Variants in KCNK1 observed in about 807,000 individuals in gnomAD.
The protein encoded by KCNK1 is potassium two pore domain channel subfamily K member 1.
Under a neutral mutation model 22.2 loss-of-function variants are expected in KCNK1, and 10 were observed. The ratio of observed to expected loss-of-function variants is 0.45; its 90% CI spans 0.28 to 0.76. The LOEUF is 0.76. Among genes scored for constraint, KCNK1 ranks in the 30% least tolerant of loss-of-function variants. KCNK1 has a pLI of 0.14. For missense variants in KCNK1, 378 were observed against 421.0 expected (o/e 0.90, Z 0.89); for synonymous variants, 200 against 186.4 (o/e 1.07, Z -0.60).
intron 1 of KCNK1, among the ~76,000 whole-genome samples, chr1:233,617,129 T>A (rs1320317420): frequency 1.3e-5 from 2 of 152,162 alleles, no homozygotes; most frequent in Non-Finnish European, 2.9e-5. Context: ...ATCAGTACAG[T>A]CAATCCTTGA....
intron 1 of KCNK1, chr1:233,631,412 G>C (rs148519906): frequency 1.2e-5 from 5 of 428,378 alleles, no homozygotes; most frequent in Non-Finnish European, 2.5e-5. Flanking sequence ...AGGATTTTAA[G>C]CTCAACGGTT....
chr1:233,620,217 A>C (rs186491008), intron 1 of KCNK1, among the ~76,000 whole-genome samples: 179 of 152,336 alleles, frequency 1.2e-3, no homozygotes, highest in African/African-American at 4.0e-3. Context: ...GCAGAGTTGA[A>C]TAGTTGAACA....
chr1:233,620,263 GTC>G (rs1657558940), intron 1 of KCNK1, among the ~76,000 whole-genome samples: 1 of 152,140 alleles, frequency 6.6e-6, no homozygotes, highest in East Asian at 1.9e-4. Context: ...AATATTTACT[GTC>G]TCACAAAAAA....
At chr1:233,630,279 T>G (rs1657768861) in intron 1 of KCNK1, among the ~76,000 whole-genome samples, 2 of 152,220 alleles carry the variant, frequency 1.3e-5, no homozygotes, top group Non-Finnish European at 2.9e-5. Flanking sequence ...TTAAATAAAT[T>G]ATTTTTTGTC....
At chr1:233,648,472 T>A (rs1446225861) in intron 1 of KCNK1, among the ~76,000 whole-genome samples, 1 of 151,624 alleles carries the variant, frequency 6.6e-6, no homozygotes, top group Admixed American at 6.6e-5. Context: ...GTCAGTACAT[T>A]TTTTTTTTAA....
rs11441644 is a variant in KCNK1 at position 233,650,798 on chromosome 1, G to GAA, written c.356-15783_356-15782dup. Among the ~76,000 whole-genome samples the GAA allele has an allele frequency of 5.8e-3, 761 of 130,452 alleles. 3 individuals are homozygous for GAA. The highest frequency in any genetic ancestry group is 0.014 in the African/African-American group (506 of 35,140). 85.6% of individuals were successfully genotyped at this position (130,452 alleles called of 152,430 possible). ...CCTAAATAAAGTCTTTCGAACAATA[G>GAA]AAAAAAAAAAAAAAACTGTTGACTT... On this transcript the variant is annotated intron_variant, in intron 1 of 2. Transcript: ENST00000366621.
chr1:233,653,802 C>T (rs1658242471), intron 1 of KCNK1, among the ~76,000 whole-genome samples: 1 of 151,994 alleles, frequency 6.6e-6, no homozygotes, highest in Non-Finnish European at 1.5e-5. Context: ...AAGCCAATTC[C>T]CATAATAAAT....
intron 1 of KCNK1, among the ~76,000 whole-genome samples, chr1:233,651,498 G>T (rs1421559361): frequency 6.6e-6 from 1 of 152,080 alleles, no homozygotes; most frequent in Non-Finnish European, 1.5e-5. Context: ...CTCTCTGTTA[G>T]CTTCTTTATC....
chr1:233,635,111 GT>G (rs896285262), intron 1 of KCNK1, among the ~76,000 whole-genome samples: 9 of 151,160 alleles, frequency 6.0e-5, no homozygotes, highest in Non-Finnish European at 1.3e-4. Flanking sequence ...ATATCCAAGT[GT>G]TTTTTTTCTT....
intron 2 of KCNK1, among the ~76,000 whole-genome samples, chr1:233,669,923 G>A (rs701235): frequency 0.018 from 2,697 of 152,328 alleles, 48 homozygotes; most frequent in Middle Eastern, 0.079. Context: ...AAAACCTATA[G>A]TCAGATTCTG....
intron 2 of KCNK1, 73 bp from the exon 3 acceptor site, chr1:233,671,198 G>T: frequency 7.5e-7 from 1 of 1,336,698 alleles, no homozygotes; most frequent in East Asian, 2.3e-5. Flanking sequence ...CATGAGGTGG[G>T]GAGGTAAATC....
At chr1:233,616,781 AAGT>A (rs1657494067) in intron 1 of KCNK1, among the ~76,000 whole-genome samples, 1 of 152,206 alleles carries the variant, frequency 6.6e-6, no homozygotes. Context: ...ATGTTTTTTA[AAGT>A]CTTCAAATTA....
At chr1:233,624,376 T>G (rs1657648803) in intron 1 of KCNK1, among the ~76,000 whole-genome samples, 1 of 152,242 alleles carries the variant, frequency 6.6e-6, no homozygotes, top group African/African-American at 2.4e-5. Context: ...CCTCCATTTC[T>G]TCCCGCTCTT....
At chr1:233,622,548 A>C (rs1021286182) in intron 1 of KCNK1, among the ~76,000 whole-genome samples, 1 of 152,116 alleles carries the variant, frequency 6.6e-6, no homozygotes, top group Admixed American at 6.5e-5. Context: ...TTTCTTTTGC[A>C]TGGATCCCTT....
intron 1 of KCNK1, among the ~76,000 whole-genome samples, chr1:233,619,852 G>A (rs1376075105): frequency 6.9e-6 from 1 of 145,040 alleles, no homozygotes; most frequent in South Asian, 2.3e-4. Flanking sequence ...GGAGATTGCA[G>A]TGAGCCAAGA....
At chr1:233,662,207 C>A (rs188970801) in intron 1 of KCNK1, among the ~76,000 whole-genome samples, 6 of 151,538 alleles carry the variant, frequency 4.0e-5, no homozygotes, top group Non-Finnish European at 7.4e-5. Context: ...GTTCTTCTTT[C>A]GTAGCTGCTG....
Position 233,668,761 on chromosome 1 carries a change from A to G in KCNK1, c.751+1771A>G, listed in dbSNP as rs182987640. ...GCTGGGATTATAGGCACCTGCCACC[A>G]CATCCGGCTAATTTTTTGTATTTTT... On this transcript the variant is annotated intron_variant, in intron 2 of 2. Transcript: ENST00000366621. 8.5e-5 allele frequency among the ~76,000 whole-genome samples: 13 copies of G among 152,164 alleles called. No individual in the cohort carries two copies. In the East Asian group the frequency reaches 1.9e-3, roughly 23 times the overall value.
At chr1:233,660,323 C>G (rs190788813) in intron 1 of KCNK1, among the ~76,000 whole-genome samples, 2 of 152,014 alleles carry the variant, frequency 1.3e-5, no homozygotes, top group Non-Finnish European at 2.9e-5. Flanking sequence ...TGAGAGTTAT[C>G]GTTTACATTA....
chr1:233,650,000 C>T (rs1658171127), intron 1 of KCNK1: 1 of 533,310 alleles, frequency 1.9e-6, no homozygotes, highest in Admixed American at 1.9e-5. Context: ...CTGTGAGAGC[C>T]TTTCAAGTGC....
Sources: gnomAD v4.1 joint callset for allele counts (sites outside exome capture counted in the v4.1 genomes callset) on GRCh38, gnomAD v4.1.1 for gene constraint, MANE v1.5 for transcripts, NCBI Gene and HGNC (gene_info 2026-07-23, HGNC 2026-07-21) for gene names.